The following METAP1D variants were observed in gnomAD, a reference collection of about 807,000 sequenced individuals.
METAP1D encodes the protein methionyl aminopeptidase type 1D, mitochondrial, also known as methionine aminopeptidase 1D, mitochondrial.
Under a neutral mutation model 40.5 loss-of-function variants are expected in METAP1D, and 31 were observed. The ratio of observed to expected loss-of-function variants is 0.77; its 90% CI spans 0.58 to 1.03. The LOEUF (loss-of-function observed/expected upper bound fraction) is 1.03, where lower values mean the gene tolerates loss of function less well. Among genes scored for constraint, METAP1D ranks in the 50% least tolerant of loss-of-function variants. The pLI is 0.00. For missense variants in METAP1D, 411 were observed against 420.7 expected (o/e 0.98, Z 0.20); for synonymous variants, 151 against 146.4 (o/e 1.03, Z -0.22).
chr2:172,049,309 A>G (rs1689833116), intron 1 of METAP1D, among the ~76,000 whole-genome samples: 1 of 151,442 alleles, frequency 6.6e-6, no homozygotes, highest in African/African-American at 2.4e-5. Flanking sequence ...AAAGTAACAG[A>G]TAGTTGAACA....
intron 1 of METAP1D, among the ~76,000 whole-genome samples, chr2:172,034,815 C>G (rs909862942): frequency 6.6e-6 from 1 of 151,990 alleles, no homozygotes; most frequent in Non-Finnish European, 1.5e-5. Flanking sequence ...AATTAAATGT[C>G]GTGTAGACAA....
chr2:172,060,737 A>G (rs988627335), intron 1 of METAP1D, among the ~76,000 whole-genome samples: 29 of 152,280 alleles, frequency 1.9e-4, no homozygotes, highest in African/African-American at 6.7e-4. Flanking sequence ...GGTATTTCCT[A>G]TTTGGAAACA....
chr2:172,080,663 G>C lies in METAP1D; in HGVS notation c.*257G>C. On this transcript the variant is annotated 3_prime_UTR_variant, in exon 10 of 10. Transcript: ENST00000315796. ...TTTCCCAGCGCGGTCAACGCATCTG[G>C]AGGGGACTGGAGGAAACCCCCTTGT... 1.7e-6 allele frequency: 1 copy of C among 586,176 alleles called. No homozygotes were observed. Among genetic ancestry groups the C allele is most frequent in the Non-Finnish European group, 3.0e-6 (1 of 329,572 alleles). The allele number at this position is 586,176 out of a possible 1,614,324, so 36.3% of individuals were successfully genotyped here.
At chr2:172,019,110 G>C (rs1361700212) in intron 1 of METAP1D, among the ~76,000 whole-genome samples, 1 of 152,166 alleles carries the variant, frequency 6.6e-6, no homozygotes, top group Non-Finnish European at 1.5e-5. Context: ...CCAGCACTCT[G>C]GGAGGCTGAG....
At chr2:172,073,383 TA>T (rs909260494) in intron 6 of METAP1D, among the ~76,000 whole-genome samples, 70 of 146,558 alleles carry the variant, frequency 4.8e-4, no homozygotes, top group Admixed American at 8.2e-4. Flanking sequence ...CTAGCTACAT[TA>T]AAAAAAAAAG....
At chr2:172,000,088 A>C (rs866645067) in intron 1 of METAP1D, 79 bp downstream of exon 1, 1 of 1,221,858 alleles carries the variant, frequency 8.2e-7, no homozygotes, top group Non-Finnish European at 1.0e-6. Context: ...AGGGATGCGC[A>C]CCCGCGCTCA....
At chr2:172,035,217 T>C (rs1283793419) in intron 1 of METAP1D, among the ~76,000 whole-genome samples, 1 of 151,978 alleles carries the variant, frequency 6.6e-6, no homozygotes, top group Non-Finnish European at 1.5e-5. Context: ...CAGGCTGGAG[T>C]GCAGTGGCCC....
chr2:172,077,518 G>T (rs538678843), intron 6 of METAP1D, among the ~76,000 whole-genome samples: 67 of 152,310 alleles, frequency 4.4e-4, no homozygotes, highest in Non-Finnish European at 1.0e-4. Context: ...TTGTCTAAAA[G>T]TGGCTTTGTT....
chr2:172,002,313 G>T (rs1057146953), intron 1 of METAP1D, among the ~76,000 whole-genome samples: 1 of 151,928 alleles, frequency 6.6e-6, no homozygotes, highest in Non-Finnish European at 1.5e-5. Context: ...TATGTATTAG[G>T]TTGGTACAAA....
At chr2:172,040,903 C>T (rs923722974) in intron 1 of METAP1D, among the ~76,000 whole-genome samples, 4 of 151,754 alleles carry the variant, frequency 2.6e-5, no homozygotes, top group African/African-American at 7.3e-5. Context: ...CACACCACCA[C>T]GCCCGGCTAA....
chr2:172,006,153 A>G (rs1688575210), intron 1 of METAP1D, among the ~76,000 whole-genome samples: 1 of 151,658 alleles, frequency 6.6e-6, no homozygotes, highest in Non-Finnish European at 1.5e-5. Flanking sequence ...ATACACACAG[A>G]GTATGACATA....
At chr2:172,015,762 C>G (rs938925420) in intron 1 of METAP1D, among the ~76,000 whole-genome samples, 1 of 152,056 alleles carries the variant, frequency 6.6e-6, no homozygotes, top group Non-Finnish European at 1.5e-5. Context: ...GAGTTCCAGA[C>G]TAGCCTGGGC....
intron 1 of METAP1D, among the ~76,000 whole-genome samples, chr2:172,003,607 A>C (rs1412952995): frequency 6.6e-6 from 1 of 152,102 alleles, no homozygotes; most frequent in East Asian, 1.9e-4. Flanking sequence ...CACCCTGTGA[A>C]GAGGTGCCTT....
chr2:172,011,818 C>T (rs547384962), intron 1 of METAP1D, among the ~76,000 whole-genome samples: 16 of 152,070 alleles, frequency 1.1e-4, no homozygotes, highest in Non-Finnish European at 2.1e-4. Context: ...CTTTTTAGTT[C>T]TTATGAATAA....
At chr2:172,043,204 G>A (rs534430690) in intron 1 of METAP1D, among the ~76,000 whole-genome samples, 1 of 130,380 alleles carries the variant, frequency 7.7e-6, no homozygotes, top group African/African-American at 2.6e-5. Context: ...AGCCTCCCAA[G>A]TAGCTGGGAT....
rs117517358 is a variant in METAP1D, at chr2:172,007,136, C to T, written c.40+7127C>T. 3.6e-3 allele frequency among the ~76,000 whole-genome samples: 523 copies of T among 146,244 alleles called. 6 individuals are homozygous for T. Among genetic ancestry groups the T allele is most frequent in the East Asian group, 0.03 (152 of 5,008 alleles). ...CTGTTTTTTTTTTTATTGTACATTA[C>T]GTTTTCCTGCTGCTTCCCATGTCAT... On this transcript the variant is annotated intron_variant, in intron 1 of 9. Coordinates refer to ENST00000315796, the MANE Select transcript of METAP1D (RefSeq NM_199227.3).
At chr2:172,037,374 C>T (rs1186291940) in intron 1 of METAP1D, among the ~76,000 whole-genome samples, 1 of 151,712 alleles carries the variant, frequency 6.6e-6, no homozygotes, top group Admixed American at 6.6e-5. Flanking sequence ...TGCTAAATTA[C>T]GTCTTCCTAC....
rs929818702 is a variant in METAP1D, at chr2:172,051,014, C to A, written c.41-10484C>A. 2.4e-4 allele frequency among the ~76,000 whole-genome samples: 36 copies of A among 152,140 alleles called. 1 individual carries two copies. Among genetic ancestry groups the A allele is most frequent in the Non-Finnish European group, 1.5e-4 (10 of 68,032 alleles). Reference sequence around the variant, plus strand: ...TTTTCTCTAAACTTTAGCTGAGAGACAATGGGATTTGCCAAGTATATACCA... The same window carrying A: ...TTTTCTCTAAACTTTAGCTGAGAGAAAATGGGATTTGCCAAGTATATACCA... On this transcript the variant is annotated intron_variant, in intron 1 of 9. Transcript: ENST00000315796.
chr2:172,045,739 A>ATATATG (rs1689729145), intron 1 of METAP1D, among the ~76,000 whole-genome samples: 1 of 80,642 alleles, frequency 1.2e-5, no homozygotes, highest in African/African-American at 4.1e-5. Flanking sequence ...GTGTATATAT[A>ATATATG]TGTGTATATA....
Sources: allele counts gnomAD v4.1 joint callset (sites outside exome capture counted in the v4.1 genomes callset), GRCh38; gene constraint gnomAD v4.1.1; transcripts MANE v1.5; gene names NCBI Gene and HGNC (gene_info 2026-07-23, HGNC 2026-07-21).